SPATA16: variants seen among roughly 807,000 people sequenced by gnomAD.
SPATA16 encodes spermatogenesis-associated protein 16.
In SPATA16, 36 loss-of-function variants were observed where a neutral mutation model predicts 63.3. The ratio of observed to expected loss-of-function variants is 0.57; its 90% CI spans 0.44 to 0.75. The LOEUF is 0.75. Among genes scored for constraint, SPATA16 ranks in the 30% least tolerant of loss-of-function variants. SPATA16 has a pLI of 0.00. For synonymous variants in SPATA16, 203 were observed against 216.7 expected, an observed-to-expected ratio of 0.94 and a Z score of 0.56; for missense variants, 646 against 679.3, an observed-to-expected ratio of 0.95 and a Z score of 0.54.
At chr3:172,909,936 T>C (rs895947447) in intron 10 of SPATA16, among the ~76,000 whole-genome samples, 2 of 152,102 alleles carry the variant, frequency 1.3e-5, no homozygotes, top group South Asian at 2.1e-4. Flanking sequence ...TAGACAGATA[T>C]CATGTCAATC....
At chr3:172,925,299 C>A in intron 7 of SPATA16, 47 bp downstream of exon 7, 1 of 1,610,590 alleles carries the variant, frequency 6.2e-7, no homozygotes, top group Non-Finnish European at 8.5e-7. Context: ...GCCCAAAACT[C>A]ATCACAGGCT....
intron 2 of SPATA16, among the ~76,000 whole-genome samples, chr3:173,069,122 A>AG (rs931962461): frequency 3.3e-5 from 5 of 151,544 alleles, no homozygotes; most frequent in Admixed American, 6.6e-5. Flanking sequence ...GAAAAAAAAA[A>AG]AAAAGAAAGA....
chr3:173,053,393 A>G (rs1217800196), intron 2 of SPATA16, among the ~76,000 whole-genome samples: 1 of 152,088 alleles, frequency 6.6e-6, no homozygotes, highest in Non-Finnish European at 1.5e-5. Flanking sequence ...TAATAATAAT[A>G]ATAGTAAAAG....
At chr3:172,999,601 A>G (rs537877761) in intron 4 of SPATA16, among the ~76,000 whole-genome samples, 3 of 152,220 alleles carry the variant, frequency 2.0e-5, no homozygotes, top group East Asian at 3.9e-4. Flanking sequence ...TTTAGTAGAG[A>G]TGGGGTTTCA....
intron 6 of SPATA16, among the ~76,000 whole-genome samples, chr3:172,931,568 T>A (rs1044401667): frequency 6.6e-6 from 1 of 152,216 alleles, no homozygotes; most frequent in Non-Finnish European, 1.5e-5. Context: ...ATTATCTTCA[T>A]GCCTCAAGCA....
chr3:172,968,383 T>C (rs1733967219), intron 5 of SPATA16, among the ~76,000 whole-genome samples: 1 of 152,190 alleles, frequency 6.6e-6, no homozygotes, highest in Non-Finnish European at 1.5e-5. Flanking sequence ...AAATTCACAC[T>C]GAGGCAAAGC....
chr3:172,957,324 A>T (rs1323004756), intron 5 of SPATA16, among the ~76,000 whole-genome samples: 1 of 152,132 alleles, frequency 6.6e-6, no homozygotes, highest in Admixed American at 6.5e-5. Flanking sequence ...TTAAAAAAAA[A>T]TCCTTCCTCA....
chr3:173,048,585 A>G (rs1039248016), intron 3 of SPATA16, among the ~76,000 whole-genome samples: 1 of 152,144 alleles, frequency 6.6e-6, no homozygotes, highest in Non-Finnish European at 1.5e-5. Context: ...CATACTTCAC[A>G]GTCAGAATTC....
intron 6 of SPATA16, 30 bp from the exon 7 acceptor site, chr3:172,925,522 G>T (rs370476094): frequency 1.6e-5 from 26 of 1,613,422 alleles, no homozygotes; most frequent in Non-Finnish European, 2.0e-5. Context: ...GAACTAAGAG[G>T]CTTTGTTATG....
chr3:173,065,117 A>G (rs1475259007), intron 2 of SPATA16, among the ~76,000 whole-genome samples: 2 of 152,236 alleles, frequency 1.3e-5, no homozygotes, highest in African/African-American at 4.8e-5. Context: ...TTTCAGATCA[A>G]ATAAGCTTGT....
intron 2 of SPATA16, among the ~76,000 whole-genome samples, chr3:173,074,913 A>G (rs6445101): frequency 0.42 from 62,065 of 149,322 alleles, 14,299 homozygotes; most frequent in African/African-American, 0.63. Context: ...CAGGAGAATC[A>G]CTGGAACCCG....
chr3:173,066,450 C>A (rs1278065363), intron 2 of SPATA16, among the ~76,000 whole-genome samples: 1 of 152,170 alleles, frequency 6.6e-6, no homozygotes, highest in Non-Finnish European at 1.5e-5. Flanking sequence ...CAACTCCAGG[C>A]AGCCCAGCAT....
intron 6 of SPATA16, among the ~76,000 whole-genome samples, chr3:172,942,853 A>G (rs1733188147): frequency 1.3e-5 from 2 of 152,172 alleles, no homozygotes; most frequent in African/African-American, 2.4e-5. Context: ...ACATGATGCA[A>G]TTAGGTTAAA....
intron 3 of SPATA16, among the ~76,000 whole-genome samples, chr3:173,034,041 A>G (rs934475256): frequency 2.0e-5 from 3 of 152,114 alleles, no homozygotes; most frequent in African/African-American, 7.2e-5. Context: ...GAAAGGTACA[A>G]TGAATAAACT....
At chr3:173,131,326 G>A (rs1448139740) in intron 1 of SPATA16, among the ~76,000 whole-genome samples, 1 of 152,166 alleles carries the variant, frequency 6.6e-6, no homozygotes, top group Admixed American at 6.5e-5. Context: ...TAATAGAAAA[G>A]CAGAATAAAA....
At chr3:172,915,537 C>T (rs1210915730) in intron 9 of SPATA16, among the ~76,000 whole-genome samples, 1 of 152,138 alleles carries the variant, frequency 6.6e-6, no homozygotes, top group East Asian at 1.9e-4. Context: ...GGGCCTTTCC[C>T]TACAACACAC....
At chr3:173,011,483 T>C (rs1735073533) in intron 4 of SPATA16, among the ~76,000 whole-genome samples, 1 of 152,122 alleles carries the variant, frequency 6.6e-6, no homozygotes, top group African/African-American at 2.4e-5. Context: ...GCATTCAGGG[T>C]GGTATGGCTG....
intron 10 of SPATA16, among the ~76,000 whole-genome samples, chr3:172,892,002 A>G (rs1417509897): frequency 2.6e-5 from 4 of 152,136 alleles, no homozygotes; most frequent in Admixed American, 2.0e-4. Context: ...CTATTTCCAA[A>G]ACCTAGGATA....
Position 172,894,245 on chromosome 3 carries a change from T to C in SPATA16, c.1588-4553A>G, listed in dbSNP as rs573927462. Among the ~76,000 whole-genome samples the C allele has an allele frequency of 2.6e-5, 4 of 152,352 alleles. No homozygotes were observed. In the South Asian group the frequency reaches 8.3e-4, roughly 32 times the overall value. On this transcript the variant is annotated intron_variant, in intron 10 of 10. Coordinates refer to ENST00000351008, the MANE Select transcript of SPATA16 (RefSeq NM_031955.6). ...TTTGAATTTTAATTCTTATTAGAAT[T>C]ACAATTGTTTTCAAATAGGCTTGAA...
Sources: gnomAD v4.1 joint callset for allele counts (sites outside exome capture counted in the v4.1 genomes callset) on GRCh38, gnomAD v4.1.1 for gene constraint, MANE v1.5 for transcripts, NCBI Gene and HGNC (gene_info 2026-07-23, HGNC 2026-07-21) for gene names.